CDK17: variants seen among roughly 807,000 people sequenced by gnomAD.
The protein encoded by CDK17 is cyclin-dependent kinase 17.
CDK17 carries 24 observed loss-of-function variants against 77.6 expected under a neutral mutation model. The ratio of observed to expected loss-of-function variants is 0.31; its 90% CI spans 0.22 to 0.44. The LOEUF is 0.44. CDK17 is among the 20% of genes least tolerant of loss of function. The probability of loss-of-function intolerance (pLI) is 1.00; values close to 1 mark genes in which losing one functional copy is unlikely to be tolerated. For synonymous variants in CDK17, 203 were observed against 210.4 expected, an observed-to-expected ratio of 0.96 and a Z score of 0.30; for missense variants, 429 against 622.5, an observed-to-expected ratio of 0.69 and a Z score of 3.31.
intron 3 of CDK17, among the ~76,000 whole-genome samples, chr12:96,320,665 C>G (rs1271670478): frequency 1.3e-5 from 2 of 151,576 alleles, no homozygotes; most frequent in Non-Finnish European, 2.9e-5. Context: ...ATACCTACAA[C>G]TATCTGATCT....
intron 5 of CDK17, among the ~76,000 whole-genome samples, chr12:96,310,707 T>C (rs931384569): frequency 6.6e-6 from 1 of 151,276 alleles, no homozygotes; most frequent in Admixed American, 6.6e-5. Context: ...ATGGTTTGTG[T>C]ACTTCTCTGT....
intron 2 of CDK17, among the ~76,000 whole-genome samples, chr12:96,325,977 T>C (rs1220867963): frequency 1.3e-5 from 2 of 152,158 alleles, no homozygotes; most frequent in Admixed American, 6.5e-5. Flanking sequence ...TGAGCTAAGA[T>C]AATGCCACTG....
chr12:96,367,084 T>C (rs912121152), intron 1 of CDK17, among the ~76,000 whole-genome samples: 8 of 151,952 alleles, frequency 5.3e-5, no homozygotes, highest in East Asian at 1.9e-4. Flanking sequence ...ATGGCTCACG[T>C]CTGTAATCCC....
intron 1 of CDK17, among the ~76,000 whole-genome samples, chr12:96,369,294 AAC>A (rs1468439576): frequency 6.6e-6 from 1 of 152,212 alleles, no homozygotes; most frequent in Non-Finnish European, 1.5e-5. Context: ...TACATAAACC[AAC>A]ACAGTCTCTA....
chr12:96,392,282 T>C (rs142935901), intron 1 of CDK17, among the ~76,000 whole-genome samples: 1 of 152,328 alleles, frequency 6.6e-6, no homozygotes, highest in East Asian at 1.9e-4. Context: ...AACATACCAG[T>C]TTCTTCATCT....
intron 3 of CDK17, among the ~76,000 whole-genome samples, chr12:96,313,684 A>C (rs532481294): frequency 6.6e-6 from 1 of 152,358 alleles, no homozygotes; most frequent in East Asian, 1.9e-4. Context: ...TTAACATTCA[A>C]GTTATTATCA....
At chr12:96,346,497 G>A (rs1224049184) in intron 1 of CDK17, among the ~76,000 whole-genome samples, 7 of 151,610 alleles carry the variant, frequency 4.6e-5, no homozygotes, top group African/African-American at 1.5e-4. Context: ...GCGTAGTGGC[G>A]TGCACCTATA....
At chr12:96,349,197 T>C (rs1020330806) in intron 1 of CDK17, among the ~76,000 whole-genome samples, 1 of 152,170 alleles carries the variant, frequency 6.6e-6, no homozygotes, top group Admixed American at 6.5e-5. Context: ...CTCACGCCCA[T>C]AATCTCAGAA....
intron 1 of CDK17, among the ~76,000 whole-genome samples, chr12:96,372,194 T>A (rs1315651125): frequency 6.6e-6 from 1 of 152,150 alleles, no homozygotes; most frequent in African/African-American, 2.4e-5. Flanking sequence ...CAACTTTCCA[T>A]GGCAACAGTA....
At chr12:96,284,616 G>A (rs1592703523) in intron 13 of CDK17, among the ~76,000 whole-genome samples, 2 of 149,598 alleles carry the variant, frequency 1.3e-5, no homozygotes, top group South Asian at 2.1e-4. Context: ...AGGCTGGAGT[G>A]CAAAGGTGCG....
Position 96,297,271 on chromosome 12 carries a change from T to A in CDK17, c.872A>T (p.Lys291Met). Residue 291 changes from lysine (K) to methionine (M), a missense_variant and splice_region_variant, in exon 9 of 17, where the codon AAG becomes ATG. By Grantham distance (95) the Lys-to-Met change is moderately conservative. This residue lies in a region of CDK17 where 262 missense variants were observed against 385.4 expected (regional missense o/e 0.68). Coordinates refer to ENST00000261211, the MANE Select transcript of CDK17 (RefSeq NM_002595.5). ...CGNIMSMHNV[K>M]LFLYQILRGL... ...AATTACACACGCAAGAAAACATACC[T>A]TTACGTTGTGCATACTCATGATGTT... 6.2e-7 allele frequency: 1 copy of A among 1,604,758 alleles called. No individual in the cohort carries two copies. Among genetic ancestry groups the A allele is most frequent in the Non-Finnish European group, 8.5e-7 (1 of 1,173,378 alleles).
At chr12:96,368,586 G>A (rs962871697) in intron 1 of CDK17, among the ~76,000 whole-genome samples, 1 of 152,086 alleles carries the variant, frequency 6.6e-6, no homozygotes, top group Non-Finnish European at 1.5e-5. Context: ...TTCTTAGACG[G>A]CATTTTCAGT....
chr12:96,282,324 T>C, intron 15 of CDK17, 185 bp downstream of exon 15: 1 of 548,748 alleles, frequency 1.8e-6, no homozygotes, highest in Non-Finnish European at 3.2e-6. Flanking sequence ...GTGCTCAGTG[T>C]TACAAGAAAT....
At chr12:96,284,598 T>C (rs1268592082) in intron 13 of CDK17, 2 of 151,812 alleles carry the variant, frequency 1.3e-5, no homozygotes, top group East Asian at 1.9e-4. Context: ...GTTTCGCTCT[T>C]GTTGCCTAGG....
chr12:96,297,468 A>G (rs1034312935), intron 8 of CDK17, 136 bp from the exon 9 acceptor site: 3 of 746,330 alleles, frequency 4.0e-6, no homozygotes, highest in Admixed American at 2.8e-5. Flanking sequence ...ATTTAATGAA[A>G]AACTGATAAC....
intron 1 of CDK17, among the ~76,000 whole-genome samples, chr12:96,394,812 G>GA (rs1222579159): frequency 1.1e-4 from 15 of 132,266 alleles, no homozygotes; most frequent in South Asian, 2.5e-4. Context: ...AAAAAAAAAA[G>GA]AAAAAAAAAA....
intron 1 of CDK17, among the ~76,000 whole-genome samples, chr12:96,352,809 C>T (rs566759319): frequency 6.6e-6 from 1 of 152,320 alleles, no homozygotes; most frequent in African/African-American, 2.4e-5. Flanking sequence ...CTTTCAGTGA[C>T]AACATTTCAA....
rs539853875 is a variant in CDK17 at position 96,389,256 on chromosome 12, T to A, written c.-30+10730A>T. On this transcript the variant is annotated intron_variant, in intron 1 of 16. Transcript: ENST00000261211. ...TCCCTAAATGCTGGGATTACAGGCA[T>A]GAGCCACCTTGCCCAGCCAAGAGTT... Among the ~76,000 whole-genome samples the A allele has an allele frequency of 1.2e-4, 18 of 152,080 alleles. No homozygotes were observed. In the South Asian group the frequency reaches 2.3e-3, roughly 19 times the overall value.
chr12:96,288,506 A>G (rs750520548), intron 11 of CDK17, among the ~76,000 whole-genome samples: 1 of 152,166 alleles, frequency 6.6e-6, no homozygotes, highest in Admixed American at 6.5e-5. Context: ...CCTGAGATAT[A>G]GTGAGTATGC....
Sources: gnomAD v4.1 joint callset for allele counts (sites outside exome capture counted in the v4.1 genomes callset) on GRCh38, gnomAD v4.1.1 for gene constraint, gnomAD v4.1.1 regional missense constraint, MANE v1.5 for transcripts, NCBI Gene and HGNC (gene_info 2026-07-23, HGNC 2026-07-21) for gene names.